Variants in THRA observed in about 807,000 individuals in gnomAD.
The protein encoded by THRA is thyroid hormone receptor alpha.
In THRA, 13 loss-of-function variants were observed where a neutral mutation model predicts 45.0. The observed-to-expected ratio is 0.29, with a 90% CI of 0.19 to 0.46. The LOEUF (loss-of-function observed/expected upper bound fraction) is 0.46, where lower values mean the gene tolerates loss of function less well. Among genes scored for constraint, THRA ranks in the 20% least tolerant of loss-of-function variants. The probability of loss-of-function intolerance (pLI) is 1.00; values close to 1 mark genes in which losing one functional copy is unlikely to be tolerated. For missense variants in THRA, 278 were observed against 556.1 expected (o/e 0.50, Z 5.03); for synonymous variants, 195 against 214.0 (o/e 0.91, Z 0.78).
At chr17:40,085,131 C>T (rs1987278118) in intron 6 of THRA, among the ~76,000 whole-genome samples, 1 of 152,072 alleles carries the variant, frequency 6.6e-6, no homozygotes, top group African/African-American at 2.4e-5. Context: ...ACAGTTATGT[C>T]ACAGTATTTT....
intron 1 of THRA, among the ~76,000 whole-genome samples, chr17:40,072,605 A>G (rs1294827609): frequency 6.6e-6 from 1 of 152,094 alleles, no homozygotes; most frequent in Non-Finnish European, 1.5e-5. Context: ...AGACAGACAG[A>G]CAGACATGCA....
At chr17:40,066,071 C>T (rs555437939) in intron 1 of THRA, among the ~76,000 whole-genome samples, 1 of 152,204 alleles carries the variant, frequency 6.6e-6, no homozygotes, top group Non-Finnish European at 1.5e-5. Context: ...CCTTTTTGCC[C>T]AGCCTCAGGG....
At chr17:40,072,143 G>A (rs1986798351) in intron 1 of THRA, 1 of 152,480 alleles carries the variant, frequency 6.6e-6, no homozygotes. Flanking sequence ...TAAACATGGT[G>A]GCTTAGGTTG....
In THRA at chr17:40,071,631, C is replaced by T. The variant is rs556849222; in HGVS notation, c.-297-2561C>T. Among the ~76,000 whole-genome samples the T allele has an allele frequency of 2.6e-5, 4 of 152,324 alleles. No individual in the cohort carries two copies. In the South Asian group the frequency reaches 8.3e-4, roughly 32 times the overall value. Reference sequence around the variant, plus strand: ...CCTCGGCCTCCTTGGGGCAGGGCCTCCCTCGCCTCTGCAGAGGAGGTACCA... The same window carrying T: ...CCTCGGCCTCCTTGGGGCAGGGCCTTCCTCGCCTCTGCAGAGGAGGTACCA... On this transcript the variant is annotated intron_variant, in intron 1 of 8. Coordinates refer to ENST00000450525, the MANE Select transcript of THRA (RefSeq NM_199334.5).
At position 40,086,750 on chromosome 17, in the gene THRA, G is replaced by A. The variant is rs1375554114; in HGVS notation, c.620G>A (p.Gly207Glu). The A allele has an allele frequency of 3.7e-6, 6 of 1,614,188 alleles. No individual in the cohort carries two copies. The highest frequency in any genetic ancestry group is 1.3e-5 in the African/African-American group (1 of 75,036). ...GQSPIVSMPDGDKVDLEAFSE... is the reference protein window; with the variant it reads ...GQSPIVSMPDEDKVDLEAFSE... Reference sequence around the variant, plus strand: ...TCACCCATTGTCTCCATGCCGGACGGAGACAAGGTGGACCTGGAAGCCTTC... The same window carrying A: ...TCACCCATTGTCTCCATGCCGGACGAAGACAAGGTGGACCTGGAAGCCTTC... The change falls in exon 7 of 9, where the codon GGA becomes GAA. Residue 207 changes from glycine (G) to glutamate (E), a missense_variant. Coordinates refer to ENST00000450525, the MANE Select transcript of THRA (RefSeq NM_199334.5).
At chr17:40,067,751 C>T (rs1986622913) in intron 1 of THRA, among the ~76,000 whole-genome samples, 3 of 152,190 alleles carry the variant, frequency 2.0e-5, no homozygotes, top group Admixed American at 2.0e-4. Context: ...GGCACAGTGG[C>T]TCATGCCTGT....
chr17:40,073,947 C>T (rs766765774), intron 1 of THRA, among the ~76,000 whole-genome samples: 1 of 152,160 alleles, frequency 6.6e-6, no homozygotes, highest in African/African-American at 2.4e-5. Context: ...TTACTTAGTA[C>T]ATGAATGATC....
downstream of THRA, chr17:40,093,029 G>T: frequency 6.2e-7 from 1 of 1,613,022 alleles, no homozygotes; most frequent in Non-Finnish European, 8.5e-7. This position sits in a 1 kb window ranked among gnomAD's most constrained non-coding sequence, Gnocchi z 5.9. Flanking sequence ...GGAGAGAGAA[G>T]TGCAGAGTTC....
At chr17:40,065,544 C>T (rs1051607191) in intron 1 of THRA, among the ~76,000 whole-genome samples, 4 of 151,670 alleles carry the variant, frequency 2.6e-5, no homozygotes, top group Admixed American at 1.3e-4. Context: ...TTGCTACCCC[C>T]GATCTACCCC....
At chr17:40,065,132 T>C (rs898661581) in intron 1 of THRA, among the ~76,000 whole-genome samples, 1 of 151,818 alleles carries the variant, frequency 6.6e-6, no homozygotes, top group Non-Finnish European at 1.5e-5. Flanking sequence ...GGCCGAGTCA[T>C]GGGCTCAAAG....
At chr17:40,088,677 A>G (rs892487188) in intron 8 of THRA, among the ~76,000 whole-genome samples, 177 bp downstream of exon 8, 3 of 151,582 alleles carry the variant, frequency 2.0e-5, no homozygotes, top group Non-Finnish European at 4.4e-5. Context: ...CTCGTTCCCC[A>G]GGCCCATCCC....
Position 40,089,778 on chromosome 17 carries a change from C to T in THRA, c.*322C>T. 1 of 1,184,604 alleles carries T rather than the reference C, an allele frequency of 8.4e-7. No homozygotes were observed. The highest frequency in any genetic ancestry group is 1.1e-6 in the Non-Finnish European group (1 of 948,140). The allele number at this position is 1,184,604 out of a possible 1,614,324, so 73.4% of individuals were successfully genotyped here. A position where few individuals can be genotyped will look rare whatever the true frequency, so the allele number is the denominator to read the frequency against. ...ATTGAGAAGGGACAAGCCACCTTGA[C>T]CGTAGGGGAAGGAGGAATGTGGGCT... On this transcript the variant is annotated 3_prime_UTR_variant, in exon 9 of 9. Transcript: ENST00000450525. This position sits in a 1 kb window ranked among gnomAD's most constrained non-coding sequence, Gnocchi z 6.1.
chr17:40,088,582 C>T (rs1987416662), intron 8 of THRA, 82 bp downstream of exon 8: 1 of 1,512,362 alleles, frequency 6.6e-7, no homozygotes, highest in Admixed American at 1.9e-5. Context: ...TTGCTCAACT[C>T]CCTCCTGAAT....
At chr17:40,083,802 T>C in intron 4 of THRA, 33 bp from the exon 5 acceptor site, 3 of 1,564,378 alleles carry the variant, frequency 1.9e-6, no homozygotes, top group Non-Finnish European at 1.7e-6. Context: ...AGCCATGTCA[T>C]GATCACAGCC....
chr17:40,064,043 C>A (rs1160453248), intron 1 of THRA, among the ~76,000 whole-genome samples: 1 of 152,074 alleles, frequency 6.6e-6, no homozygotes, highest in African/African-American at 2.4e-5. Context: ...GCAAAAGTGA[C>A]ACGCAGACAC....
At chr17:40,088,637 CCT>C (rs1987419283) in intron 8 of THRA, 137 bp downstream of exon 8, 1 of 1,112,010 alleles carries the variant, frequency 9.0e-7, no homozygotes, top group East Asian at 2.4e-5. Context: ...TCCCCTATCC[CCT>C]GTTCCTTGCT....
chr17:40,076,256 T>C (rs760862362), intron 2 of THRA, among the ~76,000 whole-genome samples: 6 of 152,168 alleles, frequency 3.9e-5, no homozygotes, highest in Non-Finnish European at 8.8e-5. Flanking sequence ...CTGTGGGTTA[T>C]TTAGCATGTG....
chr17:40,087,320 C>G (rs953210255), intron 7 of THRA, among the ~76,000 whole-genome samples: 3 of 150,002 alleles, frequency 2.0e-5, no homozygotes, highest in African/African-American at 4.9e-5. Context: ...CACACACACA[C>G]ACACAGACAT....
intron 4 of THRA, among the ~76,000 whole-genome samples, chr17:40,080,915 G>A (rs1987115706): frequency 6.6e-6 from 1 of 151,916 alleles, no homozygotes; most frequent in South Asian, 2.1e-4. Context: ...GTAGAGACAA[G>A]GTTTCACGAT....
Sources: allele counts gnomAD v4.1 joint callset (sites outside exome capture counted in the v4.1 genomes callset), GRCh38; gene constraint gnomAD v4.1.1; non-coding constraint Gnocchi (gnomAD v3.1); transcripts MANE v1.5; gene names NCBI Gene and HGNC (gene_info 2026-07-23, HGNC 2026-07-21).